Variants in PCDHGB7 observed in about 807,000 individuals in gnomAD.
PCDHGB7 encodes the protein protocadherin gamma subfamily B, 7, also known as protocadherin gamma-B7.
In PCDHGB7, 37 loss-of-function variants were observed where a neutral mutation model predicts 61.4. The ratio of observed to expected loss-of-function variants is 0.60; its 90% confidence interval spans 0.46 to 0.79. The LOEUF (loss-of-function observed/expected upper bound fraction) is 0.79. PCDHGB7 is among the 30% of genes least tolerant of loss of function. The probability of loss-of-function intolerance (pLI) is 0.00; values close to 1 mark genes in which losing one functional copy is unlikely to be tolerated. For synonymous variants in PCDHGB7, 464 were observed against 503.5 expected, an observed-to-expected ratio of 0.92 and a Z score of 1.05; for missense variants, 1,166 against 1,202.5, an observed-to-expected ratio of 0.97 and a Z score of 0.45.
chr5:141,511,711 T>G lies in PCDHGB7; in HGVS notation c.*538T>G. 1 of 185,916 alleles carries G rather than the reference T, an allele frequency of 5.4e-6. No individual in the cohort carries two copies. Among genetic ancestry groups the G allele is most frequent in the South Asian group, 1.1e-4 (1 of 8,818 alleles). The allele number at this position is 185,916 out of a possible 1,614,324, so 11.5% of individuals were successfully genotyped here. A position where few individuals can be genotyped will look rare whatever the true frequency, so the allele number is the denominator to read the frequency against. Reference sequence around the variant, plus strand: ...GTTTGGTGCCAGCCCCTTCACCTCCTTCCAGAGCCCAAGATCAATGCTCAA... The same window carrying G: ...GTTTGGTGCCAGCCCCTTCACCTCCGTCCAGAGCCCAAGATCAATGCTCAA... On this transcript the variant is annotated 3_prime_UTR_variant, in exon 4 of 4. Transcript: ENST00000398594.
At position 141,431,438 on chromosome 5, in the gene PCDHGB7, C is replaced by G. The variant is rs773812765; in HGVS notation, c.2415+11164C>G. The G allele has an allele frequency of 3.9e-5, 63 of 1,613,612 alleles. No homozygotes were observed. In the East Asian group the frequency reaches 1.4e-3, roughly 35 times the overall value. ...CGACCCGGTGCGCACAGGCACCGCG[C>G]GCATCCGCGTGATGGTTCTGGATGC... is the stretch of plus-strand genomic sequence containing the variant. On this transcript the variant is annotated intron_variant, in intron 1 of 3. Coordinates refer to ENST00000398594, the MANE Select transcript of PCDHGB7 (RefSeq NM_018927.4). The surrounding 1 kb of genome is among the most constrained non-coding windows in gnomAD (Gnocchi z 4.8).
Position 141,418,535 on chromosome 5 carries a change from G to A in PCDHGB7, c.676G>A (p.Ala226Thr). ...TGGGGACCCTCCCCGAAGCGGTACT[G>A]CTCAGATAAGAATCCTGGTAATAGA... ...DGGDPPRSGT[A>T]QIRILVIDAN... is the part of the protein sequence containing the mutation. Residue 226 changes from alanine to threonine, a missense_variant, in exon 1 of 4, where the codon GCT (alanine) becomes ACT (threonine). By Grantham distance (58) the Ala-to-Thr change is moderately conservative. Coordinates refer to ENST00000398594, the MANE Select transcript of PCDHGB7 (RefSeq NM_018927.4). 6.2e-7 allele frequency: 1 copy of A among 1,614,002 alleles called. No individual in the cohort carries two copies.
In PCDHGB7 at chr5:141,476,686, C is replaced by T. The variant is rs138480390; in HGVS notation, c.2416-18121C>T. On this transcript the variant is annotated intron_variant, in intron 1 of 3. Coordinates refer to ENST00000398594, the MANE Select transcript of PCDHGB7 (RefSeq NM_018927.4). The surrounding 1 kb of genome is among the most constrained non-coding windows in gnomAD (Gnocchi z 7.6). ...TTCGCGTGCAGACGCGGGAGGACAGCACCAAGTACGCGGAGCTGGTGTTGG... is the reference window on the plus strand; with the variant it reads ...TTCGCGTGCAGACGCGGGAGGACAGTACCAAGTACGCGGAGCTGGTGTTGG... 6.2e-7 allele frequency: 1 copy of T among 1,614,126 alleles called. No homozygotes were observed. The highest frequency in any genetic ancestry group is 1.3e-5 in the African/African-American group (1 of 74,952).
intron 1 of PCDHGB7, among the ~76,000 whole-genome samples, chr5:141,475,215 T>C (rs768665396): frequency 2.6e-5 from 4 of 152,176 alleles, no homozygotes; most frequent in Non-Finnish European, 5.9e-5. Flanking sequence ...AAAGGATTGA[T>C]CAAGTAAAGG....
chr5:141,444,240 C>A (rs1017550385), intron 1 of PCDHGB7, among the ~76,000 whole-genome samples: 1 of 128,688 alleles, frequency 7.8e-6, no homozygotes, highest in Admixed American at 9.7e-5. Flanking sequence ...GGCATGCTCT[C>A]GGCTCACTGC....
rs2099695710 is a variant in PCDHGB7, at chr5:141,490,068, A to G, written c.2416-4739A>G. On this transcript the variant is annotated intron_variant, in intron 1 of 3. Coordinates refer to ENST00000398594, the MANE Select transcript of PCDHGB7 (RefSeq NM_018927.4). This position sits in a 1 kb window ranked among gnomAD's most constrained non-coding sequence, Gnocchi z 5.4. ...ATCCAGACGAGGGCACCAACGGCCA[A>G]CTAGACTATTCTTTTGGAGACCACA... is the stretch of plus-strand genomic sequence containing the variant. 2 of 1,614,152 alleles carry G rather than the reference A, an allele frequency of 1.2e-6. No homozygotes were observed. The highest frequency in any genetic ancestry group is 1.6e-4 in the Middle Eastern group (1 of 6,084).
chr5:141,427,751 C>T (rs778043340), intron 1 of PCDHGB7: 1 of 1,306,072 alleles, frequency 7.7e-7, no homozygotes, highest in South Asian at 1.2e-5. Flanking sequence ...CCTACTCCAT[C>T]GTTACCACTG....
Position 141,438,021 on chromosome 5 carries a change from G to T in PCDHGB7, c.2415+17747G>T, listed in dbSNP as rs112167613. ...CTCCCAAATAGCTGAGATTACAGGT[G>T]TGAGCCACCATGCCCGACCACTTTG... On this transcript the variant is annotated intron_variant, in intron 1 of 3. Transcript: ENST00000398594. Among the ~76,000 whole-genome samples the T allele has an allele frequency of 1.6e-3, 250 of 152,256 alleles. 2 individuals are homozygous for T. Among genetic ancestry groups the T allele is most frequent in the African/African-American group, 5.3e-3 (221 of 41,544 alleles).
chr5:141,446,821 T>C lies in PCDHGB7; in HGVS notation c.2415+26547T>C, dbSNP rs183143971. ...CATTGTGATCATCTAGTCAGATGGG[T>C]AGATCCTTATAAGGCTGAGCATAAT... On this transcript the variant is annotated intron_variant, in intron 1 of 3. Coordinates refer to ENST00000398594, the MANE Select transcript of PCDHGB7 (RefSeq NM_018927.4). 1.6e-3 allele frequency among the ~76,000 whole-genome samples: 244 copies of C among 152,302 alleles called. 2 individuals carry two copies. The highest frequency in any genetic ancestry group is 5.4e-3 in the African/African-American group (223 of 41,572).
intron 1 of PCDHGB7, chr5:141,479,722 T>C (rs2099504690): frequency 6.6e-6 from 1 of 152,240 alleles, no homozygotes; most frequent in African/African-American, 2.4e-5. Context: ...CCAGCCTTAT[T>C]TTTCTTAAGT....
chr5:141,441,838 C>A, intron 1 of PCDHGB7: 1 of 355,582 alleles, frequency 2.8e-6, no homozygotes, highest in Non-Finnish European at 5.5e-6. Context: ...TGGCTTCGCG[C>A]TCTTGGATAT....
In PCDHGB7 at chr5:141,422,062, A is replaced by G. The variant is rs776838280; in HGVS notation, c.2415+1788A>G. The G allele has an allele frequency of 1.2e-6, 2 of 1,612,022 alleles. No individual in the cohort carries two copies. The highest frequency in any genetic ancestry group is 2.7e-5 in the African/African-American group (2 of 74,802). ...AGACGAGGGAATCAACGGGGAAGTAATGTATTCATTTCGGAACATGGAAAG... is the reference window on the plus strand; with the variant it reads ...AGACGAGGGAATCAACGGGGAAGTAGTGTATTCATTTCGGAACATGGAAAG... On this transcript the variant is annotated intron_variant, in intron 1 of 3. Transcript: ENST00000398594.
chr5:141,473,850 G>A (rs1490458424), intron 1 of PCDHGB7, among the ~76,000 whole-genome samples: 1 of 152,184 alleles, frequency 6.6e-6, no homozygotes, highest in African/African-American at 2.4e-5. Flanking sequence ...TTAGGAAGAT[G>A]AACCTCGCTA....
At chr5:141,450,727 T>G (rs1592137328) in intron 1 of PCDHGB7, among the ~76,000 whole-genome samples, 1 of 152,080 alleles carries the variant, frequency 6.6e-6, no homozygotes, top group Non-Finnish European at 1.5e-5. Flanking sequence ...CCTCAGGTGA[T>G]CCGCCCGCCT....
rs1384790784 is a variant in PCDHGB7, at chr5:141,431,800, G to T, written c.2415+11526G>T. 1 of 1,614,206 alleles carries T rather than the reference G, an allele frequency of 6.2e-7. No individual in the cohort carries two copies. Among genetic ancestry groups the T allele is most frequent in the African/African-American group, 1.3e-5 (1 of 75,054 alleles). ...ACGTGAACGACAATGCCCCAGAAGT[G>T]GTCCTCACCTCTCTCGCCAGCTCGG... On this transcript the variant is annotated intron_variant, in intron 1 of 3. Transcript: ENST00000398594. This position sits in a 1 kb window ranked among gnomAD's most constrained non-coding sequence, Gnocchi z 4.8.
intron 1 of PCDHGB7, among the ~76,000 whole-genome samples, chr5:141,454,701 C>G (rs1182969868): frequency 6.6e-6 from 1 of 151,760 alleles, no homozygotes; most frequent in Non-Finnish European, 1.5e-5. Context: ...CCACCATGCT[C>G]CACCTGCTTA....
rs2097383403 is a variant in PCDHGB7 at position 141,431,483 on chromosome 5, T to C, written c.2415+11209T>C. On this transcript the variant is annotated intron_variant, in intron 1 of 3. Coordinates refer to ENST00000398594, the MANE Select transcript of PCDHGB7 (RefSeq NM_018927.4). This position sits in a 1 kb window ranked among gnomAD's most constrained non-coding sequence, Gnocchi z 4.8. ...GGATGCGAACGACAACGCACCAGCG[T>C]TTGCTCAGCCCGAGTACCGCGCGAG... 2 of 1,613,758 alleles carry C rather than the reference T, an allele frequency of 1.2e-6. No homozygotes were observed. The highest frequency in any genetic ancestry group is 2.7e-5 in the African/African-American group (2 of 74,938).
At chr5:141,478,838 T>C (rs1439577444) in intron 1 of PCDHGB7, 1 of 1,426,484 alleles carries the variant, frequency 7.0e-7, no homozygotes, top group Non-Finnish European at 9.2e-7. Flanking sequence ...TAAGGGATGG[T>C]TAAGCTAAAA....
chr5:141,422,996 C>G lies in PCDHGB7; in HGVS notation c.2415+2722C>G. 1.2e-6 allele frequency: 2 copies of G among 1,614,224 alleles called. No homozygotes were observed. The highest frequency in any genetic ancestry group is 1.7e-6 in the Non-Finnish European group (2 of 1,180,046). On this transcript the variant is annotated intron_variant, in intron 1 of 3. Coordinates refer to ENST00000398594, the MANE Select transcript of PCDHGB7 (RefSeq NM_018927.4). ...TCTGCGGAACCTGGCTACCTGGTGA[C>G]CAAGGTGGTTGCGGTGGACAAAGAT...
Sources: allele counts gnomAD v4.1 joint callset (sites outside exome capture counted in the v4.1 genomes callset), GRCh38; gene constraint gnomAD v4.1.1; non-coding constraint Gnocchi (gnomAD v3.1); transcripts MANE v1.5; gene names NCBI Gene and HGNC (gene_info 2026-07-23, HGNC 2026-07-21).